The following HROB variants were observed in gnomAD, a reference collection of about 807,000 sequenced individuals.
HROB encodes homologous recombination factor with OB-fold.
Under a neutral mutation model 61.0 loss-of-function variants are expected in HROB, and 44 were observed. That is an observed-to-expected ratio of 0.72 (90% CI 0.57 to 0.93). HROB has a LOEUF of 0.93. Ranked by LOEUF, HROB falls within the 40% of genes least tolerant of loss-of-function variation. The pLI is 0.00. For synonymous variants in HROB, 301 were observed against 310.4 expected, an observed-to-expected ratio of 0.97 and a Z score of 0.32; for missense variants, 716 against 796.2, an observed-to-expected ratio of 0.90 and a Z score of 1.21.
In HROB at chr17:44,148,477, C is replaced by T. The variant is rs138262467; in HGVS notation, c.674C>T (p.Ala225Val). 1.9e-5 allele frequency: 31 copies of T among 1,614,122 alleles called. No homozygotes were observed. The African/African-American group carries it at 3.9e-4, about 20-fold the overall frequency. The change falls in exon 3 of 10, where the codon GCC becomes GTC. Residue 225 changes from alanine to valine, a missense_variant. Physicochemically the swap from Ala to Val is moderately conservative, Grantham distance 64. Transcript: ENST00000585683. The stretch of plus-strand genomic sequence containing the variant: ...ATCCACAAAGCGGGTATCATGTCCG[C>T]CCAGGATGAGTCTCTAGATCCTGTC... Reference protein sequence around the residue: ...PAIHKAGIMSAQDESLDPVIQ... With the variant: ...PAIHKAGIMSVQDESLDPVIQ...
chr17:44,148,039 T>C lies in HROB; in HGVS notation c.236T>C (p.Leu79Pro). 1 of 1,614,088 alleles carries C rather than the reference T, an allele frequency of 6.2e-7. No homozygotes were observed. Among genetic ancestry groups the C allele is most frequent in the Non-Finnish European group, 8.5e-7 (1 of 1,180,028 alleles). The change falls in exon 3 of 10, where the codon CTC becomes CCC. Residue 79 changes from leucine (L) to proline (P), a missense_variant. By Grantham distance (98) the Leu-to-Pro change is moderately conservative. Coordinates refer to ENST00000585683, the MANE Select transcript of HROB (RefSeq NM_001171251.3). ...SEALGLPDLDLCLPASSTPSA... is the reference protein window; with the variant it reads ...SEALGLPDLDPCLPASSTPSA... ...GCTTTGGGCCTGCCAGACTTGGACC[T>C]CTGCCTCCCTGCCTCCAGCACGCCC...
chr17:44,149,950 G>T (rs2053747787), intron 3 of HROB, among the ~76,000 whole-genome samples: 1 of 152,208 alleles, frequency 6.6e-6, no homozygotes, highest in South Asian at 2.1e-4. Context: ...AGGTTAACAG[G>T]TGTGTGGCGG....
chr17:44,150,459 G>A (rs531425368), intron 3 of HROB, among the ~76,000 whole-genome samples: 8 of 151,166 alleles, frequency 5.3e-5, no homozygotes, highest in South Asian at 2.1e-4. Context: ...GCACAATCTC[G>A]GCTCACTGCA....
Position 44,148,462 on chromosome 17 carries a change from C to T in HROB, c.659C>T (p.Ala220Val), listed in dbSNP as rs370325344. ...QKGPVPAIHK[A>V]GIMSAQDESL... ...GGGCCTGTGCCTGCCATCCACAAAG[C>T]GGGTATCATGTCCGCCCAGGATGAG... The change falls in exon 3 of 10, where the codon GCG becomes GTG. Residue 220 changes from alanine to valine, a missense_variant. Coordinates refer to ENST00000585683, the MANE Select transcript of HROB (RefSeq NM_001171251.3). The T allele has an allele frequency of 2.7e-4, 436 of 1,614,072 alleles. 2 individuals carry two copies. The South Asian group carries it at 4.5e-3, about 17-fold the overall frequency.
Position 44,157,940 on chromosome 17 carries a change from A to G in HROB, c.1878A>G (p.Ala626=). ...CCCCTGAGGAAGAACTCCCAGAAGC[A>G]GGTAAAGCAGTCAGCCCATCTGGGA... ...EASPEEELPE[A]DDLDGLLSEL... is the part of the protein sequence containing the mutation. Residue 626 remains alanine (A), a splice_region_variant and synonymous_variant, in exon 9 of 10, where the codon GCA becomes GCG. Coordinates refer to ENST00000585683, the MANE Select transcript of HROB (RefSeq NM_001171251.3). The G allele has an allele frequency of 6.2e-7, 1 of 1,610,830 alleles. No individual in the cohort carries two copies. The highest frequency in any genetic ancestry group is 8.5e-7 in the Non-Finnish European group (1 of 1,177,848).
intron 1 of HROB, among the ~76,000 whole-genome samples, chr17:44,142,503 G>C (rs1217218391): frequency 9.9e-5 from 12 of 121,736 alleles, no homozygotes; most frequent in African/African-American, 3.9e-4. Context: ...GTCTCGTTCT[G>C]TCGCCCAGGC....
chr17:44,160,694 G>C (rs2054112277), intron 9 of HROB, among the ~76,000 whole-genome samples: 1 of 152,172 alleles, frequency 6.6e-6, no homozygotes, highest in South Asian at 2.1e-4. Context: ...CACCTGGGTA[G>C]GTTTCCACCC....
At chr17:44,161,796 G>C in intron 9 of HROB, 75 bp from the exon 10 acceptor site, 1 of 1,523,264 alleles carries the variant, frequency 6.6e-7, no homozygotes, top group Non-Finnish European at 9.1e-7. Flanking sequence ...CTCCTGAAGG[G>C]CAGAAACTTT....
rs77211312 is a variant in HROB at position 44,154,462 on chromosome 17, C to T, written c.1450-94C>T. The T allele has an allele frequency of 4.3e-3, 4,844 of 1,134,318 alleles. 138 individuals are homozygous for T. The African/African-American group carries it at 0.061, about 14-fold the overall frequency. 70.3% of individuals were successfully genotyped at this position (1,134,318 alleles called of 1,614,324 possible). ...ATCATCACTATAACTATACTCTGAC[C>T]CCTCCTAACCCCGGTTGCCCTGGCA... is the stretch of plus-strand genomic sequence containing the variant. On this transcript the variant is annotated intron_variant, in intron 5 of 9. Coordinates refer to ENST00000585683, the MANE Select transcript of HROB (RefSeq NM_001171251.3).
chr17:44,154,734 C>T, intron 6 of HROB, 70 bp downstream of exon 6: 1 of 1,594,786 alleles, frequency 6.3e-7, no homozygotes, highest in Non-Finnish European at 8.6e-7. Context: ...GTGGAATCAC[C>T]CTCTCCCTTT....
intron 7 of HROB, 21 bp downstream of exon 7, chr17:44,154,959 C>T (rs755206804): frequency 1.2e-6 from 2 of 1,608,542 alleles, no homozygotes; most frequent in East Asian, 4.5e-5. Context: ...CAGCTCTCCA[C>T]ACCACTGCCC....
chr17:44,145,114 T>G, intron 1 of HROB, 89 bp from the exon 2 acceptor site: 6 of 1,346,458 alleles, frequency 4.5e-6, no homozygotes, highest in Non-Finnish European at 6.4e-6. Flanking sequence ...TACCTGATGG[T>G]ATTGTTAGTG....
intron 3 of HROB, among the ~76,000 whole-genome samples, chr17:44,149,539 A>G (rs761337600): frequency 6.6e-6 from 1 of 151,950 alleles, no homozygotes; most frequent in African/African-American, 2.4e-5. Context: ...GTGAGCCACC[A>G]CGCCTGACCC....
In HROB at chr17:44,148,514, G is replaced by A. The variant is rs1425793261; in HGVS notation, c.711G>A (p.Arg237=). 2 of 1,613,950 alleles carry A rather than the reference G, an allele frequency of 1.2e-6. No individual in the cohort carries two copies. Among genetic ancestry groups the A allele is most frequent in the Admixed American group, 1.7e-5 (1 of 59,978 alleles). Residue 237 remains arginine, a synonymous_variant, in exon 3 of 10, where the codon AGG becomes AGA. Transcript: ENST00000585683. ...CTCTAGATCCTGTCATCCAATGTAGGACTCCACGACCCCCCTTGAGACCTG... is the reference window on the plus strand; with the variant it reads ...CTCTAGATCCTGTCATCCAATGTAGAACTCCACGACCCCCCTTGAGACCTG... ...DESLDPVIQC[R]TPRPPLRPGA...
At position 44,161,980 on chromosome 17, in the gene HROB, A is replaced by C. The variant is rs1462320271; in HGVS notation, c.*48A>C. Reference sequence around the variant, plus strand: ...CCACCATGAGCAGGCAGCTCTGGGCATGTGTCTGGTCACATCCAAGGGGGA... The same window carrying C: ...CCACCATGAGCAGGCAGCTCTGGGCCTGTGTCTGGTCACATCCAAGGGGGA... On this transcript the variant is annotated 3_prime_UTR_variant, in exon 10 of 10. Coordinates refer to ENST00000585683, the MANE Select transcript of HROB (RefSeq NM_001171251.3). 2 of 1,577,646 alleles carry C rather than the reference A, an allele frequency of 1.3e-6. No homozygotes were observed. Among genetic ancestry groups the C allele is most frequent in the Non-Finnish European group, 8.7e-7 (1 of 1,147,158 alleles).
intron 4 of HROB, among the ~76,000 whole-genome samples, chr17:44,152,428 A>G (rs554822497): frequency 7.1e-6 from 1 of 140,984 alleles, no homozygotes; most frequent in African/African-American, 2.9e-5. Flanking sequence ...AAGCAATCAG[A>G]AAAAAAAAAA....
At position 44,154,628 on chromosome 17, in the gene HROB, A is replaced by C; in HGVS notation, c.1522A>C (p.Thr508Pro). ...AVMIKSLTRS[T>P]MDASVVFKDP... is the part of the protein sequence containing the mutation. ...GATGATCAAGTCCCTGACTCGGAGC[A>C]CAATGGACGCCAGTGTGGTTTTCAA... The change falls in exon 6 of 10, where the codon ACA (threonine) becomes CCA (proline). Residue 508 changes from threonine (T) to proline (P), a missense_variant. By Grantham distance (38) the Thr-to-Pro change is conservative. Coordinates refer to ENST00000585683, the MANE Select transcript of HROB (RefSeq NM_001171251.3). The C allele has an allele frequency of 6.2e-7, 1 of 1,614,166 alleles. No homozygotes were observed. Among genetic ancestry groups the C allele is most frequent in the East Asian group, 2.2e-5 (1 of 44,882 alleles).
chr17:44,148,049 T>G lies in HROB; in HGVS notation c.246T>G (p.Pro82=). The change falls in exon 3 of 10, where the codon CCT becomes CCG. Residue 82 remains proline (P), a synonymous_variant. Transcript: ENST00000585683. The stretch of plus-strand genomic sequence containing the variant: ...TGCCAGACTTGGACCTCTGCCTCCC[T>G]GCCTCCAGCACGCCCAGTGCTGACA... ...LGLPDLDLCL[P]ASSTPSADSR... The G allele has an allele frequency of 6.2e-7, 1 of 1,614,146 alleles. No individual in the cohort carries two copies. The highest frequency in any genetic ancestry group is 1.1e-5 in the South Asian group (1 of 91,086).
chr17:44,148,413 G>T lies in HROB; in HGVS notation c.610G>T (p.Asp204Tyr), dbSNP rs770099032. Residue 204 changes from aspartate (D) to tyrosine (Y), a missense_variant, in exon 3 of 10, where the codon GAT becomes TAT. By Grantham distance (160) the Asp-to-Tyr change is radical (BLOSUM62 -3). Transcript: ENST00000585683. The stretch of plus-strand genomic sequence containing the variant: ...ATTGGCTAAAAAAGCCCGGGTAGTT[G>T]ATCTGAGTGGATCTTGCCAGAAGGG... ...SVLAKKARVV[D>Y]LSGSCQKGPV... 30 of 1,614,000 alleles carry T rather than the reference G, an allele frequency of 1.9e-5. No individual in the cohort carries two copies. Among genetic ancestry groups the T allele is most frequent in the Non-Finnish European group, 2.5e-5 (29 of 1,180,020 alleles).
Sources: allele counts gnomAD v4.1 joint callset (sites outside exome capture counted in the v4.1 genomes callset), GRCh38; gene constraint gnomAD v4.1.1; transcripts MANE v1.5; gene names NCBI Gene and HGNC (gene_info 2026-07-23, HGNC 2026-07-21).